DCLK2: variants seen among roughly 807,000 people sequenced by gnomAD.
DCLK2 encodes doublecortin like kinase 2.
Under a neutral mutation model 78.4 loss-of-function variants are expected in DCLK2, and 31 were observed. The observed-to-expected ratio is 0.40, with a 90% confidence interval of 0.30 to 0.53. DCLK2 has a LOEUF of 0.53. Ranked by LOEUF, DCLK2 falls within the 20% of genes least tolerant of loss-of-function variation. The probability of loss-of-function intolerance (pLI) is 0.61; values close to 1 mark genes in which losing one functional copy is unlikely to be tolerated. For synonymous variants in DCLK2, 407 were observed against 374.9 expected, an observed-to-expected ratio of 1.09 and a Z score of -0.99; for missense variants, 872 against 973.7, an observed-to-expected ratio of 0.90 and a Z score of 1.39.
At chr4:150,197,016 G>A (rs1350464963) in intron 3 of DCLK2, among the ~76,000 whole-genome samples, 3 of 152,050 alleles carry the variant, frequency 2.0e-5, no homozygotes, top group Admixed American at 6.5e-5. Flanking sequence ...TTAACCAGGC[G>A]TGGTGGTGGG....
intron 1 of DCLK2, among the ~76,000 whole-genome samples, chr4:150,093,303 G>A (rs1412738004): frequency 2.0e-5 from 3 of 152,182 alleles, no homozygotes; most frequent in Admixed American, 2.0e-4. Context: ...TCATGAATTG[G>A]AAGATTTAAT....
intron 10 of DCLK2, among the ~76,000 whole-genome samples, chr4:150,238,312 G>A (rs1454618853): frequency 3.3e-5 from 5 of 152,090 alleles, no homozygotes; most frequent in African/African-American, 1.2e-4. Flanking sequence ...TTATGGTAAT[G>A]TATCATAGTC....
intron 2 of DCLK2, among the ~76,000 whole-genome samples, chr4:150,157,518 TTTGTTTG>T (rs1302999268): frequency 2.0e-5 from 3 of 147,972 alleles, no homozygotes; most frequent in South Asian, 2.1e-4. Flanking sequence ...TGTTTGTTTG[TTTGTTTG>T]TTTTTGAGCT....
At chr4:150,203,602 G>GTTTTTTTTTTT (rs5862912) in intron 4 of DCLK2, among the ~76,000 whole-genome samples, 193 bp from the exon 5 acceptor site, 1 of 142,020 alleles carries the variant, frequency 7.0e-6, no homozygotes, top group Non-Finnish European at 1.5e-5. Context: ...GTTTCACTCT[G>GTTTTTTTTTTT]TTTTTTTTTT....
Position 150,222,212 on chromosome 4 carries a change from A to C in DCLK2, c.1241+427A>C, listed in dbSNP as rs187033243. Among the ~76,000 whole-genome samples the C allele has an allele frequency of 1.4e-3, 207 of 152,096 alleles. 1 individual carries two copies. The highest frequency in any genetic ancestry group is 4.6e-3 in the African/African-American group (189 of 41,486). ...TCAAACAGTCCTCCTGTCTTGGCCTACTGAAGTGCTGGAATTACAGGCATG... is the reference window on the plus strand; with the variant it reads ...TCAAACAGTCCTCCTGTCTTGGCCTCCTGAAGTGCTGGAATTACAGGCATG... On this transcript the variant is annotated intron_variant, in intron 7 of 15. Transcript: ENST00000296550.
intron 1 of DCLK2, among the ~76,000 whole-genome samples, chr4:150,094,900 A>G (rs1210483990): frequency 6.6e-6 from 1 of 152,150 alleles, no homozygotes; most frequent in Non-Finnish European, 1.5e-5. Context: ...CCTTACCCAC[A>G]TGTTCAGTTC....
rs565164439 is a variant in DCLK2, at chr4:150,204,774, C to T, written c.1056+885C>T. ...GGGCCTGGTGGTACAAACCTGTAAT[C>T]CCAGCTACTCTGTGGGCTGAGGTGG... On this transcript the variant is annotated intron_variant, in intron 5 of 15. Coordinates refer to ENST00000296550, the MANE Select transcript of DCLK2 (RefSeq NM_001040260.4). Among the ~76,000 whole-genome samples, 12 of 152,156 alleles carry T rather than the reference C, an allele frequency of 7.9e-5. No homozygotes were observed. The South Asian group carries it at 2.5e-3, about 32-fold the overall frequency.
At chr4:150,207,667 G>A (rs1038272142) in intron 5 of DCLK2, among the ~76,000 whole-genome samples, 2 of 152,138 alleles carry the variant, frequency 1.3e-5, no homozygotes, top group Non-Finnish European at 2.9e-5. Flanking sequence ...TTTTGCAGGT[G>A]AGCATGTAAG....
intron 10 of DCLK2, among the ~76,000 whole-genome samples, chr4:150,237,903 T>C (rs1294805393): frequency 6.6e-6 from 1 of 152,182 alleles, no homozygotes; most frequent in African/African-American, 2.4e-5. Context: ...TCTCTGAAAT[T>C]CCATGTTTTC....
chr4:150,112,697 AT>A (rs889131399), intron 2 of DCLK2, among the ~76,000 whole-genome samples: 11 of 149,376 alleles, frequency 7.4e-5, no homozygotes, highest in South Asian at 2.1e-4. Flanking sequence ...AGATGCTCAT[AT>A]TTTTTTTTAA....
intron 12 of DCLK2, among the ~76,000 whole-genome samples, chr4:150,243,607 C>T (rs528926780): frequency 6.6e-6 from 1 of 152,344 alleles, no homozygotes; most frequent in South Asian, 2.1e-4. Flanking sequence ...AGCATTTAAA[C>T]TACAATCGTT....
chr4:150,089,419 C>T (rs1398225921), intron 1 of DCLK2, among the ~76,000 whole-genome samples: 2 of 152,166 alleles, frequency 1.3e-5, no homozygotes, highest in Non-Finnish European at 2.9e-5. Context: ...TATTTAAATG[C>T]ACCAGTTGAA....
At chr4:150,183,259 C>T (rs1014216264) in intron 2 of DCLK2, among the ~76,000 whole-genome samples, 1 of 152,170 alleles carries the variant, frequency 6.6e-6, no homozygotes, top group Non-Finnish European at 1.5e-5. Context: ...TGGAAAATAT[C>T]TCAAGAGACC....
At chr4:150,092,255 T>C (rs1730135964) in intron 1 of DCLK2, among the ~76,000 whole-genome samples, 1 of 152,232 alleles carries the variant, frequency 6.6e-6, no homozygotes, top group South Asian at 2.1e-4. Flanking sequence ...TTGTGAATTA[T>C]GGTGTAATGA....
In DCLK2 at chr4:150,159,563, T is replaced by G. The variant is rs144781231; in HGVS notation, c.757-33575T>G. The stretch of plus-strand genomic sequence containing the variant: ...GGGGTGTAGTGAAAAGCTGAGAGTG[T>G]GGGCTTCTCTTTATGAAGGTAAAGC... On this transcript the variant is annotated intron_variant, in intron 2 of 15. Transcript: ENST00000296550. Among the ~76,000 whole-genome samples the G allele has an allele frequency of 1.9e-3, 286 of 152,346 alleles. 1 individual carries two copies. Among genetic ancestry groups the G allele is most frequent in the African/African-American group, 6.5e-3 (271 of 41,574 alleles).
chr4:150,118,330 A>C (rs144086065), intron 2 of DCLK2, among the ~76,000 whole-genome samples: 1 of 152,292 alleles, frequency 6.6e-6, no homozygotes, highest in East Asian at 1.9e-4. Flanking sequence ...CCTGTGTAAT[A>C]AGTTGTGTTG....
intron 2 of DCLK2, among the ~76,000 whole-genome samples, chr4:150,187,315 G>A (rs1004756920): frequency 1.3e-5 from 2 of 152,132 alleles, no homozygotes; most frequent in Non-Finnish European, 2.9e-5. Flanking sequence ...AAAGACATGA[G>A]CCACTGCACC....
At chr4:150,197,680 A>G (rs1040563197) in intron 3 of DCLK2, among the ~76,000 whole-genome samples, 1 of 151,862 alleles carries the variant, frequency 6.6e-6, no homozygotes, top group Non-Finnish European at 1.5e-5. Context: ...GCTTGAACCC[A>G]GGAGGCGGAG....
chr4:150,184,664 C>T (rs1050519399), intron 2 of DCLK2, among the ~76,000 whole-genome samples: 53 of 148,852 alleles, frequency 3.6e-4, no homozygotes, highest in African/African-American at 1.1e-3. Context: ...TGCAGTAGCG[C>T]GATCTCGGCT....
Sources: allele counts gnomAD v4.1 joint callset (sites outside exome capture counted in the v4.1 genomes callset), GRCh38; gene constraint gnomAD v4.1.1; transcripts MANE v1.5; gene names NCBI Gene and HGNC (gene_info 2026-07-23, HGNC 2026-07-21).